PDE11A: variants seen among roughly 807,000 people sequenced by gnomAD.
PDE11A encodes the protein dual 3',5'-cyclic-AMP and -GMP phosphodiesterase 11A.
In PDE11A, 100 loss-of-function variants were observed where a neutral mutation model predicts 100.5. The ratio of observed to expected loss-of-function variants is 1.00; its 90% CI spans 0.85 to 1.18. The LOEUF is 1.18. Ranked by LOEUF, PDE11A falls within the 50% of genes most tolerant of loss-of-function variation. The probability of loss-of-function intolerance (pLI) is 0.00; values close to 1 mark genes in which losing one functional copy is unlikely to be tolerated. For synonymous variants in PDE11A, 381 were observed against 420.8 expected, an observed-to-expected ratio of 0.91 and a Z score of 1.16; for missense variants, 1,141 against 1,152.6, an observed-to-expected ratio of 0.99 and a Z score of 0.15.
intron 5 of PDE11A, among the ~76,000 whole-genome samples, chr2:177,845,778 C>T (rs1281536187): frequency 1.3e-5 from 2 of 152,228 alleles, no homozygotes; most frequent in Admixed American, 6.5e-5. Context: ...TCTGCAATCC[C>T]GGCACCTCGG....
In PDE11A at chr2:177,738,523, G is replaced by T. The variant is rs147267702; in HGVS notation, c.1789-10351C>A. On this transcript the variant is annotated intron_variant, in intron 10 of 19. Coordinates refer to ENST00000286063, the MANE Select transcript of PDE11A (RefSeq NM_016953.4). ...GCTGCCAGTCCAGCATGATCTTTCTGGCTCAGAGATTGCTGCCTTTTGTCT... is the reference window on the plus strand; with the variant it reads ...GCTGCCAGTCCAGCATGATCTTTCTTGCTCAGAGATTGCTGCCTTTTGTCT... Among the ~76,000 whole-genome samples the T allele has an allele frequency of 1.4e-3, 220 of 152,282 alleles. 1 individual carries two copies. Among genetic ancestry groups the T allele is most frequent in the African/African-American group, 5.1e-3 (211 of 41,544 alleles).
intron 9 of PDE11A, among the ~76,000 whole-genome samples, chr2:177,785,278 C>T (rs1167124195): frequency 6.8e-6 from 1 of 147,894 alleles, no homozygotes; most frequent in Non-Finnish European, 1.5e-5. Flanking sequence ...GTAATATGAT[C>T]ATGGGCCCAG....
At chr2:178,063,647 C>G (rs1008256730) in intron 1 of PDE11A, among the ~76,000 whole-genome samples, 1 of 152,200 alleles carries the variant, frequency 6.6e-6, no homozygotes, top group East Asian at 1.9e-4. Flanking sequence ...TTGTTGGGTA[C>G]CTGGCCCTGG....
intron 5 of PDE11A, among the ~76,000 whole-genome samples, chr2:177,864,187 G>C (rs544342689): frequency 2.6e-5 from 4 of 152,192 alleles, no homozygotes; most frequent in African/African-American, 9.6e-5. Flanking sequence ...GTAGTTACTA[G>C]GGGTAGTAGT....
At chr2:178,027,957 T>C (rs1208436099) in intron 1 of PDE11A, among the ~76,000 whole-genome samples, 1 of 152,042 alleles carries the variant, frequency 6.6e-6, no homozygotes, top group South Asian at 2.1e-4. Flanking sequence ...CCAGTAAATA[T>C]AAGTTTGTAA....
chr2:177,846,034 GGGGAGAGGGAGA>G (rs763764893), intron 5 of PDE11A, among the ~76,000 whole-genome samples: 28 of 146,264 alleles, frequency 1.9e-4, no homozygotes, highest in East Asian at 4.2e-4. Context: ...GGGAGACCGT[GGGGAGAGGGAGA>G]GGGAGAGGGA....
At chr2:178,090,916 C>T (rs532664483) in intron 2 of PDE11A, among the ~76,000 whole-genome samples, 4 of 152,240 alleles carry the variant, frequency 2.6e-5, no homozygotes, top group South Asian at 2.1e-4. Context: ...CCATGAGGAG[C>T]GCATTCTCCC....
intron 5 of PDE11A, among the ~76,000 whole-genome samples, chr2:177,852,621 C>T (rs1002342093): frequency 4.6e-5 from 7 of 152,072 alleles, no homozygotes; most frequent in Non-Finnish European, 4.4e-5. Flanking sequence ...AAAGCTAGGA[C>T]CTCAGCAGGA....
intron 4 of PDE11A, among the ~76,000 whole-genome samples, chr2:177,882,807 TTC>T (rs1031829985): frequency 3.9e-5 from 6 of 152,190 alleles, no homozygotes; most frequent in African/African-American, 1.4e-4. Flanking sequence ...TTGGTCTGGC[TTC>T]TCTCTGTTCT....
chr2:177,881,813 A>G (rs147589393), intron 4 of PDE11A, among the ~76,000 whole-genome samples: 46 of 152,398 alleles, frequency 3.0e-4, no homozygotes, highest in African/African-American at 1.1e-3. Flanking sequence ...GAGATCGTGC[A>G]GGCCACAAAG....
intron 1 of PDE11A, among the ~76,000 whole-genome samples, chr2:178,068,005 A>G (rs559044374): frequency 6.6e-6 from 1 of 152,282 alleles, no homozygotes; most frequent in South Asian, 2.1e-4. Flanking sequence ...CATTATCAAC[A>G]CTGACAAAAA....
At chr2:178,020,927 GTGT>G (rs1559044531) in intron 1 of PDE11A, among the ~76,000 whole-genome samples, 200 of 19,270 alleles carry the variant, frequency 0.01, 3 homozygotes, top group Middle Eastern at 0.033. Context: ...TTGTCTTGGT[GTGT>G]GTGTGTGTGT....
intron 10 of PDE11A, among the ~76,000 whole-genome samples, chr2:177,730,304 C>T (rs938582635): frequency 6.6e-6 from 1 of 152,084 alleles, no homozygotes; most frequent in Non-Finnish European, 1.5e-5. Context: ...TCAGTTCCCA[C>T]CTATGAGTGA....
intron 9 of PDE11A, among the ~76,000 whole-genome samples, chr2:177,778,503 C>T (rs1050097420): frequency 6.6e-6 from 1 of 152,214 alleles, no homozygotes; most frequent in African/African-American, 2.4e-5. Context: ...TATTGCTCTG[C>T]TGGCAAAGTG....
upstream of PDE11A, among the ~76,000 whole-genome samples, chr2:178,075,259 A>C (rs954960787): frequency 6.6e-6 from 1 of 152,140 alleles, no homozygotes; most frequent in African/African-American, 2.4e-5. Context: ...AGCCCATCAA[A>C]AGGCATCAAC....
At chr2:177,781,746 C>T (rs1301787940) in intron 9 of PDE11A, among the ~76,000 whole-genome samples, 1 of 152,154 alleles carries the variant, frequency 6.6e-6, no homozygotes, top group African/African-American at 2.4e-5. Context: ...AGGTGATCTG[C>T]CCGCCTCTGC....
chr2:178,023,084 C>T (rs2086434389), intron 1 of PDE11A, among the ~76,000 whole-genome samples: 2 of 152,188 alleles, frequency 1.3e-5, no homozygotes, highest in South Asian at 4.1e-4. Context: ...AAGGAACTGA[C>T]CTGTGCCTCC....
intron 2 of PDE11A, among the ~76,000 whole-genome samples, chr2:178,084,523 G>T (rs2087324446): frequency 6.6e-6 from 1 of 152,182 alleles, no homozygotes; most frequent in African/African-American, 2.4e-5. Flanking sequence ...AAATGCTGAT[G>T]GTTTCGCAAG....
At chr2:177,811,869 G>A (rs2082953638) in intron 9 of PDE11A, among the ~76,000 whole-genome samples, 1 of 152,136 alleles carries the variant, frequency 6.6e-6, no homozygotes, top group Non-Finnish European at 1.5e-5. Context: ...GTTCAGTGGT[G>A]TGACCAAACA....
Sources: gnomAD v4.1 joint callset for allele counts (sites outside exome capture counted in the v4.1 genomes callset) on GRCh38, gnomAD v4.1.1 for gene constraint, MANE v1.5 for transcripts, NCBI Gene and HGNC (gene_info 2026-07-23, HGNC 2026-07-21) for gene names.